TTC7B: variants seen among roughly 807,000 people sequenced by gnomAD.
TTC7B encodes tetratricopeptide repeat domain 7B, also known as tetratricopeptide repeat protein 7B.
In TTC7B, 28 loss-of-function variants were observed where a neutral mutation model predicts 106.8. The ratio of observed to expected loss-of-function variants is 0.26; its 90% CI spans 0.19 to 0.36. The LOEUF (loss-of-function observed/expected upper bound fraction) is 0.36, where lower values mean the gene tolerates loss of function less well. Ranked by LOEUF, TTC7B falls within the 10% of genes least tolerant of loss-of-function variation. TTC7B has a pLI of 1.00. For missense variants in TTC7B, 862 were observed against 1,076.4 expected (o/e 0.80, Z 2.79); for synonymous variants, 405 against 430.6 (o/e 0.94, Z 0.74).
intron 17 of TTC7B, among the ~76,000 whole-genome samples, chr14:90,602,650 G>A (rs61987023): frequency 0.078 from 11,749 of 151,528 alleles, 536 homozygotes; most frequent in Middle Eastern, 0.11. Flanking sequence ...TCAGTGAGCT[G>A]TAATCGTGTC....
intron 5 of TTC7B, among the ~76,000 whole-genome samples, chr14:90,713,927 G>A (rs139259291): frequency 8.5e-5 from 13 of 152,330 alleles, no homozygotes; most frequent in African/African-American, 2.6e-4. Context: ...AGTATGCCAA[G>A]TGAAAGAAGT....
chr14:90,607,310 G>C (rs546344531), intron 17 of TTC7B, among the ~76,000 whole-genome samples: 1 of 152,372 alleles, frequency 6.6e-6, no homozygotes, highest in South Asian at 2.1e-4. Context: ...GAAAGTGGAA[G>C]TTCACTGTGG....
chr14:90,610,720 C>A lies in TTC7B; in HGVS notation c.1966+22G>T, dbSNP rs369738257. 2.5e-4 allele frequency: 383 copies of A among 1,551,484 alleles called. No individual in the cohort carries two copies. Among genetic ancestry groups the A allele is most frequent in the Non-Finnish European group, 3.1e-4 (345 of 1,123,454 alleles). ...ACATTCTCCATTACACCATTTCGTC[C>A]CCTCTGGCTTTTTATTCTCACCTGT... On this transcript the variant is annotated intron_variant, in intron 17 of 19. Coordinates refer to ENST00000328459, the MANE Select transcript of TTC7B (RefSeq NM_001010854.2).
intron 1 of TTC7B, among the ~76,000 whole-genome samples, chr14:90,806,780 G>C (rs1410995303): frequency 1.3e-5 from 2 of 152,110 alleles, no homozygotes; most frequent in Non-Finnish European, 2.9e-5. Context: ...AGTGGTGCTT[G>C]CCTGTAATCC....
intron 3 of TTC7B, among the ~76,000 whole-genome samples, chr14:90,756,169 A>G (rs1206486558): frequency 6.6e-6 from 1 of 152,030 alleles, no homozygotes; most frequent in East Asian, 1.9e-4. Flanking sequence ...GAGGTCCCCA[A>G]CTATAGCAAG....
At chr14:90,635,931 C>T (rs1884921418) in intron 15 of TTC7B, among the ~76,000 whole-genome samples, 1 of 151,686 alleles carries the variant, frequency 6.6e-6, no homozygotes, top group African/African-American at 2.4e-5. Flanking sequence ...ACCAGCCTGG[C>T]CAACATGGTG....
At position 90,608,149 on chromosome 14, in the gene TTC7B, G is replaced by A. The variant is rs1178775608; in HGVS notation, c.1966+2593C>T. On this transcript the variant is annotated intron_variant, in intron 17 of 19. Transcript: ENST00000328459. The surrounding 1 kb of genome is among the most constrained non-coding windows in gnomAD (Gnocchi z 5.1). ...ATCTGCCCCTTCTTGACTGCACCAT[G>A]AGCTGAACCATATGCAACTGGGCTT... Among the ~76,000 whole-genome samples the A allele has an allele frequency of 6.6e-6, 1 of 152,210 alleles. No individual in the cohort carries two copies. Among genetic ancestry groups the A allele is most frequent in the African/African-American group, 2.4e-5 (1 of 41,460 alleles).
intron 1 of TTC7B, among the ~76,000 whole-genome samples, chr14:90,796,695 C>G (rs186610263): frequency 6.0e-4 from 91 of 152,318 alleles, no homozygotes; most frequent in African/African-American, 2.1e-3. Flanking sequence ...AACTCAGTTT[C>G]TATGTCAATA....
intron 3 of TTC7B, among the ~76,000 whole-genome samples, chr14:90,764,246 G>T (rs1217682147): frequency 6.6e-6 from 1 of 152,104 alleles, no homozygotes; most frequent in Non-Finnish European, 1.5e-5. Flanking sequence ...TGAAACAACT[G>T]AAGATCCACA....
At chr14:90,766,634 G>C in intron 3 of TTC7B, 1 of 1,079,664 alleles carries the variant, frequency 9.3e-7, no homozygotes, top group Non-Finnish European at 1.4e-6. Context: ...GCCATTAAGG[G>C]TGTGGGCCAA....
intron 5 of TTC7B, among the ~76,000 whole-genome samples, chr14:90,722,934 T>C (rs1888953415): frequency 6.6e-6 from 1 of 152,156 alleles, no homozygotes; most frequent in African/African-American, 2.4e-5. Flanking sequence ...TCCTGGGCTG[T>C]CTTCTCTCTT....
chr14:90,815,005 C>A (rs186872131), intron 1 of TTC7B, among the ~76,000 whole-genome samples: 1 of 152,332 alleles, frequency 6.6e-6, no homozygotes, highest in East Asian at 1.9e-4. Context: ...CAAACATAAA[C>A]CACCCTCCAG....
chr14:90,747,436 A>G (rs144073443), intron 3 of TTC7B, among the ~76,000 whole-genome samples: 2 of 152,350 alleles, frequency 1.3e-5, no homozygotes, highest in African/African-American at 2.4e-5. Context: ...TTTCTAAGCT[A>G]TGGGAGTCTT....
chr14:90,544,361 C>T (rs747113780), intron 19 of TTC7B, among the ~76,000 whole-genome samples: 2 of 152,176 alleles, frequency 1.3e-5, no homozygotes, highest in African/African-American at 2.4e-5. Flanking sequence ...GAGAAGGTTC[C>T]GGGGTGGCCA....
chr14:90,619,259 A>G (rs890065727), intron 15 of TTC7B, among the ~76,000 whole-genome samples: 4 of 152,212 alleles, frequency 2.6e-5, no homozygotes, highest in Non-Finnish European at 5.9e-5. Flanking sequence ...TGTAATAATA[A>G]GTCAAAATTC....
chr14:90,587,038 C>T (rs1891745002), intron 18 of TTC7B, among the ~76,000 whole-genome samples: 1 of 152,212 alleles, frequency 6.6e-6, no homozygotes, highest in African/African-American at 2.4e-5. Flanking sequence ...CCATTGAGAC[C>T]ACAGACCAAG....
intron 15 of TTC7B, among the ~76,000 whole-genome samples, chr14:90,625,280 G>A (rs1884390335): frequency 6.6e-6 from 1 of 152,236 alleles, no homozygotes; most frequent in Admixed American, 6.5e-5. Flanking sequence ...GCTGGGAACA[G>A]AGAGTCTGAG....
rs973227817 is a variant in TTC7B at position 90,808,118 on chromosome 14, T to C, written c.121+8057A>G. ...TGTTGTGATGATTAACTGAGATCTG[T>C]GTAAAAGTTCATAGCCAGAATCTGG... On this transcript the variant is annotated intron_variant, in intron 1 of 19. Transcript: ENST00000328459. The surrounding 1 kb of genome is among the most constrained non-coding windows in gnomAD (Gnocchi z 4.2). Among the ~76,000 whole-genome samples the C allele has an allele frequency of 3.3e-5, 5 of 152,158 alleles. No homozygotes were observed. Among genetic ancestry groups the C allele is most frequent in the African/African-American group, 1.2e-4 (5 of 41,428 alleles).
intron 18 of TTC7B, among the ~76,000 whole-genome samples, chr14:90,592,862 C>G (rs1261063490): frequency 1.3e-5 from 2 of 152,106 alleles, no homozygotes; most frequent in African/African-American, 4.8e-5. Flanking sequence ...GTTGCTGTCT[C>G]TCTATGAAAT....
Sources: gnomAD v4.1 joint callset for allele counts (sites outside exome capture counted in the v4.1 genomes callset) on GRCh38, gnomAD v4.1.1 for gene constraint, Gnocchi (gnomAD v3.1) non-coding constraint, MANE v1.5 for transcripts, NCBI Gene and HGNC (gene_info 2026-07-23, HGNC 2026-07-21) for gene names.